The following TMPRSS5 variants were observed in gnomAD, a reference collection of about 807,000 sequenced individuals.
TMPRSS5 encodes transmembrane serine protease 5, also known as transmembrane protease serine 5.
A neutral mutation model predicts 59.7 loss-of-function variants in TMPRSS5; 45 were observed. The ratio of observed to expected loss-of-function variants is 0.75; its 90% CI spans 0.59 to 0.97. TMPRSS5 has a LOEUF of 0.97. Ranked by LOEUF, TMPRSS5 falls within the 50% of genes least tolerant of loss-of-function variation. The pLI, the probability that TMPRSS5 is intolerant of heterozygous loss-of-function variation, is 0.00. For missense variants in TMPRSS5, 585 were observed against 596.7 expected, an observed-to-expected ratio of 0.98 and a Z score of 0.20; for synonymous variants, 225 against 232.0, an observed-to-expected ratio of 0.97 and a Z score of 0.27.
intron 1 of TMPRSS5, 86 bp from the exon 2 acceptor site, chr11:113,700,254 T>A: frequency 8.1e-7 from 1 of 1,227,688 alleles, no homozygotes; most frequent in Non-Finnish European, 1.1e-6. Context: ...CCCCATTCTT[T>A]AACCCCAGCC....
At chr11:113,702,838 G>A (rs574242676) in intron 1 of TMPRSS5, among the ~76,000 whole-genome samples, 31 of 152,320 alleles carry the variant, frequency 2.0e-4, no homozygotes, top group African/African-American at 6.0e-4. Flanking sequence ...TTGAGCCTGC[G>A]GGTGCACAGA....
chr11:113,694,684 G>C, intron 7 of TMPRSS5, 44 bp from the exon 8 acceptor site: 1 of 1,499,398 alleles, frequency 6.7e-7, no homozygotes, highest in Non-Finnish European at 8.9e-7. Context: ...AGAGAGGTGA[G>C]TGTCAGCATG....
chr11:113,691,667 TTACTA>T (rs1254723877), intron 9 of TMPRSS5, among the ~76,000 whole-genome samples: 1 of 151,948 alleles, frequency 6.6e-6, no homozygotes, highest in African/African-American at 2.4e-5. Flanking sequence ...TATTATCTAT[TTACTA>T]TACCTATTTT....
chr11:113,689,740 G>C lies in TMPRSS5; in HGVS notation c.1359+25C>G, dbSNP rs568649703. On this transcript the variant is annotated intron_variant, in intron 12 of 12. Transcript: ENST00000299882. Reference sequence around the variant, plus strand: ...GGGCAGGTCCTTTAGAAATCTCCCTGCCCTACTCCTGCCCCCACACTCACC... The same window carrying C: ...GGGCAGGTCCTTTAGAAATCTCCCTCCCCTACTCCTGCCCCCACACTCACC... 5.6e-6 allele frequency: 9 copies of C among 1,603,216 alleles called. No homozygotes were observed. In the East Asian group the frequency reaches 1.8e-4, roughly 32 times the overall value.
At chr11:113,696,447 T>A (rs1018640352) in intron 6 of TMPRSS5, among the ~76,000 whole-genome samples, 4 of 152,178 alleles carry the variant, frequency 2.6e-5, no homozygotes, top group African/African-American at 9.7e-5. Flanking sequence ...ATCCGAATTA[T>A]CCAAATAATG....
At chr11:113,690,007 C>T (rs1952720404) in intron 11 of TMPRSS5, 90 bp from the exon 12 acceptor site, 1 of 1,370,540 alleles carries the variant, frequency 7.3e-7, no homozygotes, top group Admixed American at 2.6e-5. Flanking sequence ...GTGGAATCTC[C>T]TTACTGGGCC....
At chr11:113,694,154 A>G (rs554773613) in intron 8 of TMPRSS5, among the ~76,000 whole-genome samples, 7 of 151,912 alleles carry the variant, frequency 4.6e-5, no homozygotes, top group Admixed American at 3.9e-4. Flanking sequence ...CTGAGGCACA[A>G]GAATCGCTTG....
chr11:113,696,987 G>C lies in TMPRSS5; in HGVS notation c.465-16C>G. The stretch of plus-strand genomic sequence containing the variant: ...GTGAGTGAGTCTTGGCAGAAGAAGG[G>C]AATAGAACAGGAGGAAATCATAACT... On this transcript the variant is annotated splice_polypyrimidine_tract_variant and intron_variant, in intron 5 of 12. Transcript: ENST00000299882. 6.5e-7 allele frequency: 1 copy of C among 1,530,914 alleles called. No homozygotes were observed. The highest frequency in any genetic ancestry group is 8.9e-7 in the Non-Finnish European group (1 of 1,124,514). The allele number at this position is 1,530,914 out of a possible 1,614,324, so 94.8% of individuals were successfully genotyped here.
chr11:113,690,176 G>GGCCCGCCCCCCCCCCCCCCCCC, intron 11 of TMPRSS5, 55 bp downstream of exon 11: 1 of 388,230 alleles, frequency 2.6e-6, no homozygotes, highest in Non-Finnish European at 4.2e-6. Flanking sequence ...CAGGCCCCCT[G>GGCCCGCCCCCCCCCCCCCCCCC]CCCTCCCACC....
In TMPRSS5 at chr11:113,693,066, C is replaced by A; in HGVS notation, c.964+5G>T. 2 of 1,560,132 alleles carry A rather than the reference C, an allele frequency of 1.3e-6. No individual in the cohort carries two copies. The highest frequency in any genetic ancestry group is 2.4e-5 in the East Asian group (1 of 41,668). ...AGCCTGCCCACCCTCAAGCCAGTGC[C>A]GCACCTGAGAAGTTGAGAGCGGTCT... On this transcript the variant is annotated splice_donor_5th_base_variant and intron_variant, in intron 9 of 12. Coordinates refer to ENST00000299882, the MANE Select transcript of TMPRSS5 (RefSeq NM_030770.4).
intron 1 of TMPRSS5, among the ~76,000 whole-genome samples, chr11:113,702,204 G>A (rs201851847): frequency 6.6e-6 from 1 of 152,204 alleles, no homozygotes; most frequent in East Asian, 1.9e-4. Flanking sequence ...GGGCATTTGA[G>A]TTGGTTCCAA....
intron 9 of TMPRSS5, among the ~76,000 whole-genome samples, chr11:113,692,263 G>A (rs1409291401): frequency 2.6e-5 from 4 of 152,100 alleles, no homozygotes; most frequent in Non-Finnish European, 5.9e-5. Context: ...ACTGTTATTT[G>A]GGAAACTTAA....
chr11:113,702,725 C>T (rs773259058), intron 1 of TMPRSS5, among the ~76,000 whole-genome samples: 2 of 152,176 alleles, frequency 1.3e-5, no homozygotes, highest in African/African-American at 2.4e-5. Context: ...TACTGTGTGT[C>T]CCAGCTGCAT....
At chr11:113,694,244 CAAAAAA>C in intron 8 of TMPRSS5, 1 of 202,248 alleles carries the variant, frequency 4.9e-6, no homozygotes, top group Non-Finnish European at 8.4e-6. Flanking sequence ...GACTCTGTCT[CAAAAAA>C]AAAAAAAAAA....
At chr11:113,693,408 A>G (rs1337976133) in intron 8 of TMPRSS5, among the ~76,000 whole-genome samples, 159 bp from the exon 9 acceptor site, 2 of 152,140 alleles carry the variant, frequency 1.3e-5, no homozygotes, top group Non-Finnish European at 1.5e-5. Flanking sequence ...TCTTAGTATC[A>G]CCCCAGCAGC....
intron 7 of TMPRSS5, among the ~76,000 whole-genome samples, chr11:113,694,876 A>G (rs1193413347): frequency 6.6e-6 from 1 of 152,192 alleles, no homozygotes; most frequent in Non-Finnish European, 1.5e-5. Context: ...GCACTAATGG[A>G]GCCCTAGTAC....
At position 113,690,280 on chromosome 11, in the gene TMPRSS5, G is replaced by T. The variant is rs746155548; in HGVS notation, c.1157C>A (p.Pro386His). 12 of 1,571,922 alleles carry T rather than the reference G, an allele frequency of 7.6e-6. No individual in the cohort carries two copies. Among genetic ancestry groups the T allele is most frequent in the Non-Finnish European group, 9.5e-6 (11 of 1,159,846 alleles). ...SSCVYSGALT[P>H]RMLCAGYLDG... ...CAGGTAGCCAGCGCAAAGCATGCGG[G>T]GGGTGAGGGCTCCGCTGTACACGCA... The change falls in exon 11 of 13, where the codon CCC becomes CAC. Residue 386 changes from proline to histidine, a missense_variant. Coordinates refer to ENST00000299882, the MANE Select transcript of TMPRSS5 (RefSeq NM_030770.4).
chr11:113,692,435 CAT>C (rs1175235347), intron 9 of TMPRSS5, among the ~76,000 whole-genome samples: 1 of 152,162 alleles, frequency 6.6e-6, no homozygotes, highest in African/African-American at 2.4e-5. Flanking sequence ...TCTATGTGCA[CAT>C]GACTGTGTGA....
chr11:113,700,637 T>C (rs1953105778), intron 1 of TMPRSS5, among the ~76,000 whole-genome samples: 1 of 152,166 alleles, frequency 6.6e-6, no homozygotes, highest in African/African-American at 2.4e-5. Context: ...CAGGTCACTA[T>C]AGGGGACACT....
Sources: gnomAD v4.1 joint callset for allele counts (sites outside exome capture counted in the v4.1 genomes callset) on GRCh38, gnomAD v4.1.1 for gene constraint, MANE v1.5 for transcripts, NCBI Gene and HGNC (gene_info 2026-07-23, HGNC 2026-07-21) for gene names.